PLCL1: variants seen among roughly 807,000 people sequenced by gnomAD.
The protein encoded by PLCL1 is phospholipase C like 1 (inactive).
A neutral mutation model predicts 84.4 loss-of-function variants in PLCL1; 41 were observed. The observed-to-expected ratio is 0.49, with a 90% CI of 0.38 to 0.63. The LOEUF (loss-of-function observed/expected upper bound fraction) is 0.63, where lower values mean the gene tolerates loss of function less well. Ranked by LOEUF, PLCL1 falls within the 30% of genes least tolerant of loss-of-function variation. PLCL1 has a pLI of 0.00. For missense variants in PLCL1, 1,206 were observed against 1,367.8 expected, an observed-to-expected ratio of 0.88 and a Z score of 1.87; for synonymous variants, 490 against 488.3, an observed-to-expected ratio of 1.00 and a Z score of -0.05.
At chr2:197,944,433 C>G (rs1202521824) in intron 1 of PLCL1, among the ~76,000 whole-genome samples, 6 of 152,174 alleles carry the variant, frequency 3.9e-5, no homozygotes. Context: ...GGCTCACATT[C>G]TCTGGAGAAT....
chr2:197,923,349 T>A (rs572058094), intron 1 of PLCL1, among the ~76,000 whole-genome samples: 2 of 145,866 alleles, frequency 1.4e-5, no homozygotes, highest in Non-Finnish European at 3.0e-5. Context: ...GAGAGGCTCC[T>A]CACTTCTCAG....
intron 1 of PLCL1, among the ~76,000 whole-genome samples, chr2:198,071,704 T>A (rs1574289437): frequency 6.6e-6 from 1 of 151,998 alleles, no homozygotes; most frequent in African/African-American, 2.4e-5. Flanking sequence ...TTCAATTTTT[T>A]AAAAAATATC....
chr2:197,955,750 G>A (rs1332002014), intron 1 of PLCL1, among the ~76,000 whole-genome samples: 4 of 151,420 alleles, frequency 2.6e-5, no homozygotes, highest in African/African-American at 4.9e-5. Flanking sequence ...AGTATTCCAC[G>A]GTATATATGT....
At chr2:197,908,284 A>G (rs1236717503) in intron 1 of PLCL1, among the ~76,000 whole-genome samples, 5 of 152,246 alleles carry the variant, frequency 3.3e-5, no homozygotes, top group African/African-American at 1.2e-4. Context: ...ATAGGAATGT[A>G]TTCTCTATTG....
chr2:198,110,347 C>G (rs551008622), intron 5 of PLCL1, among the ~76,000 whole-genome samples: 1 of 152,002 alleles, frequency 6.6e-6, no homozygotes, highest in South Asian at 2.1e-4. Context: ...GTGGGAAGAG[C>G]AGAGATTGAA....
intron 1 of PLCL1, among the ~76,000 whole-genome samples, chr2:197,872,581 CT>C (rs950075013): frequency 1.3e-5 from 2 of 152,132 alleles, no homozygotes; most frequent in African/African-American, 4.8e-5. Context: ...AGTTATTGAA[CT>C]GCTCTAAGCT....
intron 1 of PLCL1, among the ~76,000 whole-genome samples, chr2:198,057,411 A>T (rs1470164227): frequency 6.6e-6 from 1 of 152,026 alleles, no homozygotes; most frequent in Admixed American, 6.6e-5. Context: ...TGCTTTGTAC[A>T]CATTGTTTCA....
chr2:197,807,444 T>C (rs530305465), intron 1 of PLCL1, among the ~76,000 whole-genome samples: 14 of 152,370 alleles, frequency 9.2e-5, no homozygotes, highest in Admixed American at 5.9e-4. Context: ...GCAGCAGTCA[T>C]TGGGGTCTGT....
chr2:197,857,790 A>G (rs1344831967), intron 1 of PLCL1, among the ~76,000 whole-genome samples: 1 of 152,200 alleles, frequency 6.6e-6, no homozygotes, highest in African/African-American at 2.4e-5. Flanking sequence ...TGAATGAAAA[A>G]ATGCAAAGGC....
At chr2:197,837,202 G>T (rs140057636) in intron 1 of PLCL1, among the ~76,000 whole-genome samples, 344 of 152,248 alleles carry the variant, frequency 2.3e-3, no homozygotes, top group African/African-American at 7.8e-3. Flanking sequence ...TTGAGGTGAA[G>T]ATGGGATATC....
At position 197,807,428 on chromosome 2, in the gene PLCL1, T is replaced by C. The variant is rs914638082; in HGVS notation, c.240+2089T>C. Among the ~76,000 whole-genome samples, 15 of 16,556 alleles carry C rather than the reference T, an allele frequency of 9.1e-4. 1 individual carries two copies. Among genetic ancestry groups the C allele is most frequent in the African/African-American group, 1.9e-3 (2 of 1,072 alleles). 10.9% of individuals were successfully genotyped at this position (16,556 alleles called of 152,430 possible). On this transcript the variant is annotated intron_variant, in intron 1 of 5. Transcript: ENST00000428675. Reference sequence around the variant, plus strand: ...TAGAGGGGGTAATCTGGTAGGTCTTTGGTGGGCAGCAGTCATTGGGGTCTG... The same window carrying C: ...TAGAGGGGGTAATCTGGTAGGTCTTCGGTGGGCAGCAGTCATTGGGGTCTG...
At chr2:198,126,570 C>G (rs1693990465) in intron 5 of PLCL1, among the ~76,000 whole-genome samples, 1 of 152,082 alleles carries the variant, frequency 6.6e-6, no homozygotes, top group East Asian at 1.9e-4. Context: ...GATTCCAAAT[C>G]TAGGTGCTCA....
At chr2:198,022,978 A>C (rs893798442) in intron 1 of PLCL1, among the ~76,000 whole-genome samples, 1 of 152,228 alleles carries the variant, frequency 6.6e-6, no homozygotes, top group Non-Finnish European at 1.5e-5. Context: ...TGGAGGCATC[A>C]TGCTACCTGA....
At chr2:198,042,898 G>A (rs1003463865) in intron 1 of PLCL1, among the ~76,000 whole-genome samples, 7 of 152,170 alleles carry the variant, frequency 4.6e-5, no homozygotes, top group Non-Finnish European at 7.3e-5. Context: ...TTGGTACAGG[G>A]ATGAATATGT....
intron 3 of PLCL1, among the ~76,000 whole-genome samples, chr2:198,092,457 A>C (rs115491747): frequency 0.035 from 5,330 of 152,342 alleles, 310 homozygotes; most frequent in African/African-American, 0.12. Flanking sequence ...CCATCACCTC[A>C]AACATTTATT....
In PLCL1 at chr2:197,968,889, A is replaced by G. The variant is rs190335035; in HGVS notation, c.241-114869A>G. 1.8e-4 allele frequency among the ~76,000 whole-genome samples: 27 copies of G among 152,276 alleles called. No individual in the cohort carries two copies. In the East Asian group the frequency reaches 4.4e-3, roughly 25 times the overall value. ...TGGCTGGTTCAGAGATGGCTGTTTTATAAGTTAAGAGTAATTCATTTAAAA... is the reference window on the plus strand; with the variant it reads ...TGGCTGGTTCAGAGATGGCTGTTTTGTAAGTTAAGAGTAATTCATTTAAAA... On this transcript the variant is annotated intron_variant, in intron 1 of 5. Transcript: ENST00000428675.
chr2:197,908,882 T>C (rs1296521060), intron 1 of PLCL1, among the ~76,000 whole-genome samples: 1 of 152,238 alleles, frequency 6.6e-6, no homozygotes, highest in Non-Finnish European at 1.5e-5. Context: ...GAATAAAATA[T>C]TCTTATAATT....
chr2:197,859,637 C>T (rs2105691813), intron 1 of PLCL1, among the ~76,000 whole-genome samples: 1 of 152,116 alleles, frequency 6.6e-6, no homozygotes, highest in South Asian at 2.1e-4. Context: ...TTGTAGTGGT[C>T]ATAAAGTCGT....
chr2:198,049,602 T>G (rs1691880638), intron 1 of PLCL1, among the ~76,000 whole-genome samples: 1 of 152,132 alleles, frequency 6.6e-6, no homozygotes, highest in African/African-American at 2.4e-5. Flanking sequence ...TGTCCAATAC[T>G]CCAGGGTGTG....
Sources: allele counts gnomAD v4.1 joint callset (sites outside exome capture counted in the v4.1 genomes callset), GRCh38; gene constraint gnomAD v4.1.1; transcripts MANE v1.5; gene names NCBI Gene and HGNC (gene_info 2026-07-23, HGNC 2026-07-21).